NRXN1: variants seen among roughly 807,000 people sequenced by gnomAD.
The protein encoded by NRXN1 is neurexin 1.
A neutral mutation model predicts 150.9 loss-of-function variants in NRXN1; 39 were observed. The ratio of observed to expected loss-of-function variants is 0.26; its 90% CI spans 0.20 to 0.34. NRXN1 has a LOEUF of 0.34. Ranked by LOEUF, NRXN1 falls within the 10% of genes least tolerant of loss-of-function variation. The probability of loss-of-function intolerance (pLI) is 1.00; values close to 1 mark genes in which losing one functional copy is unlikely to be tolerated. For synonymous variants in NRXN1, 924 were observed against 757.0 expected, an observed-to-expected ratio of 1.22 and a Z score of -3.62; for missense variants, 1,815 against 1,949.9, an observed-to-expected ratio of 0.93 and a Z score of 1.30.
At chr2:50,825,814 A>G (rs76620949) in intron 5 of NRXN1, among the ~76,000 whole-genome samples, 11,480 of 152,282 alleles carry the variant, frequency 0.075, 537 homozygotes, top group Middle Eastern at 0.13. Flanking sequence ...TGATCCTTCA[A>G]CTTAAGGGAT....
chr2:50,179,664 A>G (rs1221413208), intron 18 of NRXN1, among the ~76,000 whole-genome samples: 1 of 152,180 alleles, frequency 6.6e-6, no homozygotes, highest in African/African-American at 2.4e-5. Flanking sequence ...TATGACCCCA[A>G]TAATAGCAGT....
chr2:50,014,942 C>G (rs1290046632), intron 21 of NRXN1, among the ~76,000 whole-genome samples: 1 of 152,116 alleles, frequency 6.6e-6, no homozygotes, highest in Non-Finnish European at 1.5e-5. Flanking sequence ...GTAGTCAAGA[C>G]TTCTGTCTTT....
intron 17 of NRXN1, among the ~76,000 whole-genome samples, chr2:50,318,655 C>T (rs900528312): frequency 6.6e-6 from 1 of 151,614 alleles, no homozygotes; most frequent in Non-Finnish European, 1.5e-5. Flanking sequence ...GTTTGACAGA[C>T]AAAAATGAAG....
intron 3 of NRXN1, among the ~76,000 whole-genome samples, chr2:50,922,956 G>C (rs1266573108): frequency 6.6e-6 from 1 of 151,854 alleles, no homozygotes; most frequent in Admixed American, 6.6e-5. Flanking sequence ...ACAAGAGCAT[G>C]ACTTAAAATC....
chr2:50,573,291 G>A (rs1287801792), intron 8 of NRXN1, among the ~76,000 whole-genome samples: 1 of 151,830 alleles, frequency 6.6e-6, no homozygotes, highest in African/African-American at 2.4e-5. Flanking sequence ...TGAGCTTGTG[G>A]GGTTAAGGCT....
chr2:50,420,740 GA>G (rs2083920502), intron 17 of NRXN1, among the ~76,000 whole-genome samples: 1 of 151,960 alleles, frequency 6.6e-6, no homozygotes, highest in South Asian at 2.1e-4. Flanking sequence ...ATAGACTGAT[GA>G]ATCAAAGAAA....
At chr2:50,980,081 G>T (rs1467199279) in intron 2 of NRXN1, among the ~76,000 whole-genome samples, 1 of 152,100 alleles carries the variant, frequency 6.6e-6, no homozygotes, top group Non-Finnish European at 1.5e-5. Context: ...TTTTGCTATG[G>T]TTGGAATGGT....
chr2:50,494,613 T>A (rs1217515677), intron 15 of NRXN1, among the ~76,000 whole-genome samples: 1 of 152,192 alleles, frequency 6.6e-6, no homozygotes, highest in Non-Finnish European at 1.5e-5. Context: ...AGACGGCCAT[T>A]ACCACACATT....
At chr2:50,848,847 G>A (rs1011377836) in intron 5 of NRXN1, among the ~76,000 whole-genome samples, 11 of 152,108 alleles carry the variant, frequency 7.2e-5, no homozygotes, top group African/African-American at 2.7e-4. Context: ...GCTGCTTTAA[G>A]GAGGACAAAA....
intron 17 of NRXN1, among the ~76,000 whole-genome samples, chr2:50,313,161 A>G (rs1467376500): frequency 6.6e-6 from 1 of 152,098 alleles, no homozygotes; most frequent in African/African-American, 2.4e-5. Context: ...AAACTATAGT[A>G]CATATTCTAA....
intron 21 of NRXN1, among the ~76,000 whole-genome samples, chr2:50,010,833 G>T (rs1685535582): frequency 6.6e-6 from 1 of 152,094 alleles, no homozygotes; most frequent in Middle Eastern, 3.2e-3. Context: ...TCTCTAACAT[G>T]TGGTTTCAAA....
chr2:50,113,506 A>G (rs764793042), intron 18 of NRXN1, among the ~76,000 whole-genome samples: 4 of 152,200 alleles, frequency 2.6e-5, no homozygotes, highest in Non-Finnish European at 5.9e-5. Context: ...CAGGAAAATA[A>G]TTAACCATAA....
intron 2 of NRXN1, among the ~76,000 whole-genome samples, chr2:50,981,677 G>A (rs925975711): frequency 3.9e-4 from 59 of 151,824 alleles, no homozygotes; most frequent in Non-Finnish European, 5.9e-4. Context: ...TTTCCATTAC[G>A]ATATCTTTGA....
chr2:50,406,938 A>G (rs1177185564), intron 17 of NRXN1, among the ~76,000 whole-genome samples: 1 of 152,170 alleles, frequency 6.6e-6, no homozygotes, highest in Non-Finnish European at 1.5e-5. Flanking sequence ...ATCCTGGGAA[A>G]CAGAAAAACC....
chr2:50,545,129 G>A (rs543258666), intron 9 of NRXN1, among the ~76,000 whole-genome samples: 75 of 152,216 alleles, frequency 4.9e-4, no homozygotes, highest in African/African-American at 1.8e-3. Context: ...ATTGATGAGG[G>A]AATGTATGGT....
chr2:50,625,716 A>G (rs537889021), intron 5 of NRXN1, among the ~76,000 whole-genome samples: 4 of 152,222 alleles, frequency 2.6e-5, no homozygotes, highest in Non-Finnish European at 5.9e-5. Flanking sequence ...ACTAGCTGTC[A>G]CTAGAACAAT....
chr2:50,413,669 C>T (rs2083342679), intron 17 of NRXN1, among the ~76,000 whole-genome samples: 1 of 152,044 alleles, frequency 6.6e-6, no homozygotes, highest in Non-Finnish European at 1.5e-5. Flanking sequence ...ATCTAGCAAT[C>T]CCAATACTGA....
At chr2:50,851,795 G>A (rs761679788) in intron 5 of NRXN1, among the ~76,000 whole-genome samples, 2 of 152,128 alleles carry the variant, frequency 1.3e-5, no homozygotes, top group Admixed American at 6.5e-5. Context: ...CGGCTTTTCT[G>A]TCCCTTCATC....
At chr2:49,923,806 C>T (rs1361829896) in intron 22 of NRXN1, among the ~76,000 whole-genome samples, 2 of 152,086 alleles carry the variant, frequency 1.3e-5, no homozygotes, top group African/African-American at 4.8e-5. Context: ...AGTAGTAGCT[C>T]TTAGTCTCAA....
Sources: allele counts gnomAD v4.1 joint callset (sites outside exome capture counted in the v4.1 genomes callset), GRCh38; gene constraint gnomAD v4.1.1; transcripts MANE v1.5; gene names NCBI Gene and HGNC (gene_info 2026-07-23, HGNC 2026-07-21).